IP6K2: variants seen among roughly 807,000 people sequenced by gnomAD.
IP6K2 encodes the protein inositol hexakisphosphate kinase 2.
IP6K2 carries 9 observed loss-of-function variants against 43.3 expected under a neutral mutation model. The ratio of observed to expected loss-of-function variants is 0.21; its 90% CI spans 0.13 to 0.36. IP6K2 has a LOEUF of 0.36. IP6K2 is among the 10% of genes least tolerant of loss of function. The pLI, the probability that IP6K2 is intolerant of heterozygous loss-of-function variation, is 1.00. For missense variants in IP6K2, 332 were observed against 538.4 expected (o/e 0.62, Z 3.79); for synonymous variants, 209 against 202.4 (o/e 1.03, Z -0.28).
chr3:48,712,962 G>A (rs181238947), intron 1 of IP6K2, among the ~76,000 whole-genome samples: 7 of 151,842 alleles, frequency 4.6e-5, no homozygotes, highest in East Asian at 1.9e-4. Context: ...GCAATGAGCC[G>A]AGATCGCGCC....
intron 2 of IP6K2, chr3:48,693,665 G>C: frequency 2.8e-6 from 3 of 1,090,878 alleles, no homozygotes; most frequent in Non-Finnish European, 2.2e-6. Flanking sequence ...GACTGGGTAA[G>C]CAAAGCAAAA....
At chr3:48,714,601 C>T (rs938252760) in intron 1 of IP6K2, among the ~76,000 whole-genome samples, 12 of 152,134 alleles carry the variant, frequency 7.9e-5, no homozygotes, top group African/African-American at 2.9e-4. Context: ...CCAGGTTGGC[C>T]AGGCTGGTCT....
intron 1 of IP6K2, among the ~76,000 whole-genome samples, chr3:48,715,938 A>C (rs1365221094): frequency 6.6e-6 from 1 of 152,140 alleles, no homozygotes; most frequent in Non-Finnish European, 1.5e-5. Context: ...TCAAAAAAAA[A>C]AAAAGTTACT....
intron 1 of IP6K2, among the ~76,000 whole-genome samples, chr3:48,714,695 C>T (rs1051067900): frequency 6.6e-6 from 1 of 152,200 alleles, no homozygotes; most frequent in Non-Finnish European, 1.5e-5. Flanking sequence ...CTGGCCCTGG[C>T]CCTTTCTTTC....
At position 48,694,650 on chromosome 3, in the gene IP6K2, C is replaced by T; in HGVS notation, c.202+440G>A. The T allele has an allele frequency of 2.6e-6, 4 of 1,509,554 alleles. No individual in the cohort carries two copies. In the South Asian group the frequency reaches 3.9e-5, roughly 15 times the overall value. The allele number at this position is 1,509,554 out of a possible 1,614,324, so 93.5% of individuals were successfully genotyped here. On this transcript the variant is annotated intron_variant, in intron 2 of 5. Coordinates refer to ENST00000328631, the MANE Select transcript of IP6K2 (RefSeq NM_016291.4). ...GCTTGGGCTAATCAGCACAGGCCTC[C>T]CACTCCTGCATTCCATCTGACTCAA...
rs1187994620 is a variant in IP6K2 at position 48,695,516 on chromosome 3, C to T, written c.-130-95G>A. ...TGCTCCTTCAGCAGAAAGACAAAGA[C>T]AAACAGTCTGAGTTCTTGCGGGACT... On this transcript the variant is annotated intron_variant, in intron 1 of 5. Transcript: ENST00000328631. This position sits in a 1 kb window ranked among gnomAD's most constrained non-coding sequence, Gnocchi z 4.6. The T allele has an allele frequency of 1.5e-6, 2 of 1,297,518 alleles. No homozygotes were observed. Among genetic ancestry groups the T allele is most frequent in the African/African-American group, 1.5e-5 (1 of 67,558 alleles). The allele number at this position is 1,297,518 out of a possible 1,614,324, so 80.4% of individuals were successfully genotyped here.
At chr3:48,713,590 T>A (rs2080806704) in intron 1 of IP6K2, among the ~76,000 whole-genome samples, 1 of 152,212 alleles carries the variant, frequency 6.6e-6, no homozygotes, top group Non-Finnish European at 1.5e-5. Flanking sequence ...TCCTTAGGTT[T>A]GGGATTAGAC....
At chr3:48,715,632 C>T in intron 1 of IP6K2, 3 of 614,850 alleles carry the variant, frequency 4.9e-6, no homozygotes, top group South Asian at 4.1e-5. Context: ...AAAAAACAAA[C>T]CAAACAAACA....
In IP6K2 at chr3:48,695,008, G is replaced by C. The variant is rs760824854; in HGVS notation, c.202+82C>G. On this transcript the variant is annotated intron_variant, in intron 2 of 5. Coordinates refer to ENST00000328631, the MANE Select transcript of IP6K2 (RefSeq NM_016291.4). This position sits in a 1 kb window ranked among gnomAD's most constrained non-coding sequence, Gnocchi z 4.6. ...AGTGGGAGGGAGTGAGGGCTCCAGG[G>C]ATGGCTGCCAGGGCCTTCCATGGCC... 3.1e-6 allele frequency: 5 copies of C among 1,612,634 alleles called. No homozygotes were observed. The highest frequency in any genetic ancestry group is 1.6e-4 in the Middle Eastern group (1 of 6,082).
chr3:48,701,726 G>T (rs141540531), intron 1 of IP6K2, among the ~76,000 whole-genome samples: 1 of 150,580 alleles, frequency 6.6e-6, no homozygotes, highest in Non-Finnish European at 1.5e-5. Context: ...ATGAAACCCC[G>T]TCTCTACTAA....
At chr3:48,707,212 TG>T (rs2079898643) in intron 1 of IP6K2, among the ~76,000 whole-genome samples, 1 of 152,124 alleles carries the variant, frequency 6.6e-6, no homozygotes, top group East Asian at 1.9e-4. Flanking sequence ...GAGAAAATAC[TG>T]GGGGAAGAGG....
At chr3:48,714,017 T>G (rs2080870369) in intron 1 of IP6K2, among the ~76,000 whole-genome samples, 1 of 151,750 alleles carries the variant, frequency 6.6e-6, no homozygotes, top group South Asian at 2.1e-4. Context: ...CTAGGGAGGC[T>G]GAGGCAGGAG....
intron 1 of IP6K2, among the ~76,000 whole-genome samples, chr3:48,705,283 C>T (rs1415806357): frequency 6.6e-6 from 1 of 151,954 alleles, no homozygotes; most frequent in Admixed American, 6.5e-5. Flanking sequence ...TCTCAAACTA[C>T]TGGCCTCAAG....
chr3:48,707,933 A>C (rs766547225), intron 1 of IP6K2, among the ~76,000 whole-genome samples: 3 of 152,154 alleles, frequency 2.0e-5, no homozygotes, highest in Admixed American at 6.5e-5. Context: ...TAGCTGCCCT[A>C]TCTCTCTGCC....
intron 4 of IP6K2, among the ~76,000 whole-genome samples, chr3:48,691,012 C>G (rs2077736401): frequency 6.6e-6 from 1 of 152,054 alleles, no homozygotes. Flanking sequence ...CCCTCTTCCT[C>G]TAGGTTACCT....
chr3:48,716,711 G>A (rs751783442), intron 1 of IP6K2, among the ~76,000 whole-genome samples: 29 of 152,160 alleles, frequency 1.9e-4, no homozygotes, highest in Admixed American at 6.5e-5. Flanking sequence ...CTGAGGCGCT[G>A]AGCTGACTCC....
At chr3:48,714,605 C>A (rs915397097) in intron 1 of IP6K2, among the ~76,000 whole-genome samples, 10 of 152,110 alleles carry the variant, frequency 6.6e-5, no homozygotes, top group African/African-American at 2.4e-4. Context: ...GTTGGCCAGG[C>A]TGGTCTTGAA....
At chr3:48,701,107 C>T (rs1283151538) in intron 1 of IP6K2, among the ~76,000 whole-genome samples, 1 of 152,178 alleles carries the variant, frequency 6.6e-6, no homozygotes, top group Admixed American at 6.5e-5. Context: ...CGGTGGCTCA[C>T]GCCTGTAGTC....
At chr3:48,713,959 A>G (rs1049925945) in intron 1 of IP6K2, among the ~76,000 whole-genome samples, 1 of 151,964 alleles carries the variant, frequency 6.6e-6, no homozygotes, top group Non-Finnish European at 1.5e-5. Context: ...TCTACTAAAA[A>G]TACAAAAATT....
Sources: gnomAD v4.1 joint callset for allele counts (sites outside exome capture counted in the v4.1 genomes callset) on GRCh38, gnomAD v4.1.1 for gene constraint, Gnocchi (gnomAD v3.1) non-coding constraint, MANE v1.5 for transcripts, NCBI Gene and HGNC (gene_info 2026-07-23, HGNC 2026-07-21) for gene names.